Variants in SPAST observed in about 807,000 individuals in gnomAD.
SPAST encodes spastic paraplegia 4 (autosomal dominant; spastin).
Under a neutral mutation model 76.6 loss-of-function variants are expected in SPAST, and 30 were observed. The observed-to-expected ratio is 0.39, with a 90% CI of 0.29 to 0.53. The LOEUF is 0.53. Ranked by LOEUF, SPAST falls within the 20% of genes least tolerant of loss-of-function variation. The pLI is 0.68. For synonymous variants in SPAST, 305 were observed against 281.0 expected (o/e 1.09, Z -0.86); for missense variants, 717 against 770.5 (o/e 0.93, Z 0.82).
intron 16 of SPAST, 115 bp from the exon 17 acceptor site, chr2:32,154,259 C>G (rs974969315): frequency 2.3e-6 from 2 of 867,378 alleles, no homozygotes; most frequent in East Asian, 2.6e-5. Context: ...AATACATACA[C>G]GTATATTTTT....
intron 6 of SPAST, 120 bp from the exon 7 acceptor site, chr2:32,115,998 GA>G: frequency 1.0e-6 from 1 of 955,648 alleles, no homozygotes; most frequent in Non-Finnish European, 1.6e-6. Context: ...TTGCTTTACT[GA>G]TTTAACTATA....
intron 12 of SPAST, 28 bp downstream of exon 12, chr2:32,137,216 C>G (rs1679570247): frequency 6.9e-7 from 1 of 1,449,708 alleles, no homozygotes; most frequent in Non-Finnish European, 9.7e-7. Flanking sequence ...GAAATACATG[C>G]ATTTATTACA....
chr2:32,107,755 C>T (rs1193437574), intron 4 of SPAST, among the ~76,000 whole-genome samples: 1 of 152,116 alleles, frequency 6.6e-6, no homozygotes, highest in Non-Finnish European at 1.5e-5. Flanking sequence ...CTTTTCTTTT[C>T]TGTTTTCTGG....
Position 32,128,611 on chromosome 2 carries a change from G to C in SPAST, c.1245+132G>C, listed in dbSNP as rs1573142920. The C allele has an allele frequency of 5.8e-6, 4 of 691,314 alleles. No homozygotes were observed. The East Asian group carries it at 1.1e-4, about 19-fold the overall frequency. The allele number at this position is 691,314 out of a possible 1,614,324, so 42.8% of individuals were successfully genotyped here. On this transcript the variant is annotated intron_variant, in intron 9 of 16. Coordinates refer to ENST00000315285, the MANE Select transcript of SPAST (RefSeq NM_014946.4). ...TCTATTGTATCTATTATTTACATAT[G>C]ATGAATATCTATCTTCAGAGTAGAA...
intron 1 of SPAST, chr2:32,077,743 C>T (rs751623929): frequency 5.3e-5 from 8 of 152,200 alleles, no homozygotes; most frequent in African/African-American, 1.2e-4. Context: ...AGAAAACGTA[C>T]AGTAGATAAT....
intron 12 of SPAST, among the ~76,000 whole-genome samples, 191 bp from the exon 13 acceptor site, chr2:32,141,713 C>T (rs1679726147): frequency 6.6e-6 from 1 of 152,152 alleles, no homozygotes; most frequent in Non-Finnish European, 1.5e-5. Flanking sequence ...TTAATTCTAA[C>T]AATACCGAAT....
At chr2:32,145,342 C>T (rs1227967719) in intron 15 of SPAST, among the ~76,000 whole-genome samples, 2 of 152,176 alleles carry the variant, frequency 1.3e-5, no homozygotes, top group African/African-American at 4.8e-5. Flanking sequence ...AGTGAGCAGC[C>T]TGCCTTGGCC....
In SPAST at chr2:32,063,646, G is replaced by A; in HGVS notation, c.-186G>A. 1.4e-6 allele frequency: 1 copy of A among 705,836 alleles called. No homozygotes were observed. Among genetic ancestry groups the A allele is most frequent in the Non-Finnish European group, 2.3e-6 (1 of 441,124 alleles). The allele number at this position is 705,836 out of a possible 1,614,324, so 43.7% of individuals were successfully genotyped here. On this transcript the variant is annotated 5_prime_UTR_variant, in exon 1 of 17. It adds an upstream start codon to the 5' untranslated region. Coordinates refer to ENST00000315285, the MANE Select transcript of SPAST (RefSeq NM_014946.4). ...ACCGACTGCAGGAGGAGAAGGGGTTGTGCTCCTGGCCGAGGAAGGAGAAAG... is the reference window on the plus strand; with the variant it reads ...ACCGACTGCAGGAGGAGAAGGGGTTATGCTCCTGGCCGAGGAAGGAGAAAG...
At chr2:32,105,413 C>T (rs534087031) in intron 4 of SPAST, among the ~76,000 whole-genome samples, 35 of 152,244 alleles carry the variant, frequency 2.3e-4, no homozygotes, top group African/African-American at 7.0e-4. Flanking sequence ...TCCTTTAGCT[C>T]GGAGAACTTT....
intron 2 of SPAST, among the ~76,000 whole-genome samples, chr2:32,089,199 A>ATTTTTTTTTTTTTTTTTTTTT: frequency 1.1e-5 from 1 of 89,892 alleles, no homozygotes; most frequent in African/African-American, 4.0e-5. Context: ...TGCTCGGCTA[A>ATTTTTTTTTTTTTTTTTTTTT]TTTTTTTTTT....
At chr2:32,108,041 T>C (rs1179754692) in intron 4 of SPAST, among the ~76,000 whole-genome samples, 1 of 152,094 alleles carries the variant, frequency 6.6e-6, no homozygotes, top group East Asian at 1.9e-4. Context: ...GTATAACCCT[T>C]ACTCAAGAAA....
chr2:32,090,460 G>T (rs948439926), intron 3 of SPAST, among the ~76,000 whole-genome samples: 1 of 151,840 alleles, frequency 6.6e-6, no homozygotes, highest in Admixed American at 6.6e-5. Flanking sequence ...AAAAGATAAG[G>T]ATGTCAAAAT....
At chr2:32,116,096 C>T (rs1678822774) in intron 6 of SPAST, 23 bp from the exon 7 acceptor site, 2 of 1,550,462 alleles carry the variant, frequency 1.3e-6, no homozygotes, top group Middle Eastern at 1.7e-4. Flanking sequence ...TATCGTAGAA[C>T]TAACTGAGGT....
chr2:32,088,157 G>A (rs1415531417), intron 2 of SPAST, among the ~76,000 whole-genome samples: 1 of 151,882 alleles, frequency 6.6e-6, no homozygotes, highest in Non-Finnish European at 1.5e-5. Flanking sequence ...CAAAGTGGTG[G>A]GAGTACAGGC....
At chr2:32,073,502 T>A (rs75732934) in intron 1 of SPAST, among the ~76,000 whole-genome samples, 1 of 152,138 alleles carries the variant, frequency 6.6e-6, no homozygotes, top group Non-Finnish European at 1.5e-5. Context: ...AAAATGTTTT[T>A]AAAGCAAGAT....
chr2:32,142,586 T>C (rs1168992315), intron 13 of SPAST, among the ~76,000 whole-genome samples: 1 of 152,038 alleles, frequency 6.6e-6, no homozygotes, highest in African/African-American at 2.4e-5. Context: ...GGCTAATTTT[T>C]TGTGTTTTTA....
intron 1 of SPAST, among the ~76,000 whole-genome samples, chr2:32,084,304 G>A (rs1048348223): frequency 6.6e-6 from 1 of 151,126 alleles, no homozygotes; most frequent in Admixed American, 6.6e-5. Context: ...GGGACTACAG[G>A]CGCCCGCCAC....
intron 4 of SPAST, among the ~76,000 whole-genome samples, chr2:32,113,135 A>ATT (rs1013180163): frequency 1.3e-5 from 2 of 150,094 alleles, no homozygotes; most frequent in African/African-American, 4.9e-5. Flanking sequence ...TATTATTATT[A>ATT]TTTTTTTTTT....
chr2:32,073,018 C>T (rs538478780), intron 1 of SPAST, among the ~76,000 whole-genome samples: 24 of 152,266 alleles, frequency 1.6e-4, no homozygotes, highest in African/African-American at 5.1e-4. Flanking sequence ...CTGGCATCTG[C>T]ACCAAAGACA....
Sources: gnomAD v4.1 joint callset for allele counts (sites outside exome capture counted in the v4.1 genomes callset) on GRCh38, gnomAD v4.1.1 for gene constraint, MANE v1.5 for transcripts, NCBI Gene and HGNC (gene_info 2026-07-23, HGNC 2026-07-21) for gene names.